Variants in SGCD observed in about 807,000 individuals in gnomAD.
SGCD encodes sarcoglycan delta.
A neutral mutation model predicts 36.6 loss-of-function variants in SGCD; 18 were observed. The observed-to-expected ratio is 0.49, with a 90% CI of 0.34 to 0.73. The LOEUF (loss-of-function observed/expected upper bound fraction) is 0.73. SGCD is among the 30% of genes least tolerant of loss of function. The pLI, the probability that SGCD is intolerant of heterozygous loss-of-function variation, is 0.01. For missense variants in SGCD, 387 were observed against 346.7 expected, an observed-to-expected ratio of 1.12 and a Z score of -0.92; for synonymous variants, 133 against 130.6, an observed-to-expected ratio of 1.02 and a Z score of -0.12.
chr5:156,056,079 T>C (rs1453509467), intron 1 of SGCD, among the ~76,000 whole-genome samples: 1 of 146,452 alleles, frequency 6.8e-6, no homozygotes, highest in African/African-American at 2.5e-5. Flanking sequence ...CAGATGCTGC[T>C]CTTAGTCCAG....
At chr5:156,600,030 A>AT (rs567189598) in intron 6 of SGCD, among the ~76,000 whole-genome samples, 5 of 151,510 alleles carry the variant, frequency 3.3e-5, no homozygotes, top group East Asian at 3.9e-4. Flanking sequence ...TTGGTGATGG[A>AT]TTTTTTTTTC....
intron 3 of SGCD, among the ~76,000 whole-genome samples, chr5:156,282,183 A>G (rs567522926): frequency 1.3e-5 from 2 of 152,328 alleles, no homozygotes; most frequent in African/African-American, 4.8e-5. Context: ...TGAGCATTTC[A>G]GACACCAAAG....
chr5:156,626,203 G>A (rs17561110), intron 6 of SGCD, among the ~76,000 whole-genome samples: 12,761 of 152,264 alleles, frequency 0.084, 687 homozygotes, highest in Non-Finnish European at 0.12. Flanking sequence ...TATGCAGAGC[G>A]CTGACTGCAG....
chr5:156,399,180 C>G (rs1214073269), intron 3 of SGCD, among the ~76,000 whole-genome samples: 2 of 152,094 alleles, frequency 1.3e-5, no homozygotes, highest in Non-Finnish European at 2.9e-5. Flanking sequence ...TGCTGGGAGA[C>G]TACTTTGTGT....
chr5:156,241,680 A>G (rs1425413532), intron 3 of SGCD, among the ~76,000 whole-genome samples: 1 of 152,214 alleles, frequency 6.6e-6, no homozygotes, highest in African/African-American at 2.4e-5. Context: ...AGATTAGGAA[A>G]TATCCAATTT....
In SGCD at chr5:156,761,134, GAAAT is replaced by G. The variant is rs1757491957; in HGVS notation, c.*1748_*1751del. ...GCAAGGGAAGTTTTGTGATAGGAGAGAAATAAAAGATTTGATATTTTTTGAGATG... is the reference window on the plus strand; with the variant it reads ...GCAAGGGAAGTTTTGTGATAGGAGAGAAAAGATTTGATATTTTTTGAGATG... On this transcript the variant is annotated 3_prime_UTR_variant, in exon 9 of 9. Transcript: ENST00000337851. 1 of 152,212 alleles carries G rather than the reference GAAAT, an allele frequency of 6.6e-6. No individual in the cohort carries two copies. Among genetic ancestry groups the G allele is most frequent in the South Asian group, 2.1e-4 (1 of 4,830 alleles). 9.4% of individuals were successfully genotyped at this position (152,212 alleles called of 1,614,324 possible).
chr5:156,441,058 T>A (rs1753469269), intron 3 of SGCD, among the ~76,000 whole-genome samples: 1 of 152,172 alleles, frequency 6.6e-6, no homozygotes, highest in Admixed American at 6.6e-5. Context: ...AGCTATTAGA[T>A]CCTTAACCTA....
chr5:156,758,129 C>A, intron 8 of SGCD: 1 of 471,042 alleles, frequency 2.1e-6, no homozygotes, highest in Non-Finnish European at 2.8e-6. Flanking sequence ...GCAGATTGAA[C>A]AGCTGTCCCA....
intron 3 of SGCD, among the ~76,000 whole-genome samples, chr5:156,479,441 C>G (rs937905857): frequency 6.6e-6 from 1 of 152,176 alleles, no homozygotes; most frequent in African/African-American, 2.4e-5. Context: ...AGCTGAGAAA[C>G]TCTGCCCTGT....
intron 3 of SGCD, among the ~76,000 whole-genome samples, chr5:156,197,111 G>A (rs563379796): frequency 1.3e-5 from 2 of 152,208 alleles, no homozygotes; most frequent in Non-Finnish European, 2.9e-5. Flanking sequence ...TAAAAATAAA[G>A]CATTTGAAAC....
At chr5:156,068,311 C>T (rs1408729421) in intron 1 of SGCD, among the ~76,000 whole-genome samples, 1 of 151,642 alleles carries the variant, frequency 6.6e-6, no homozygotes, top group Non-Finnish European at 1.5e-5. Context: ...TGTGATGTTC[C>T]CCTTCCTGTG....
At chr5:156,377,165 A>C (rs190982500) in intron 3 of SGCD, among the ~76,000 whole-genome samples, 91 of 152,304 alleles carry the variant, frequency 6.0e-4, no homozygotes, top group African/African-American at 2.1e-3. Context: ...ATTTAATTAA[A>C]CTTTAAGCTA....
chr5:156,154,956 A>G (rs188615876), intron 3 of SGCD, among the ~76,000 whole-genome samples: 1 of 151,786 alleles, frequency 6.6e-6, no homozygotes, highest in Non-Finnish European at 1.5e-5. Flanking sequence ...AGTGATGACA[A>G]ACTCAATGTC....
At chr5:156,708,584 C>T (rs1012986854) in intron 7 of SGCD, among the ~76,000 whole-genome samples, 1 of 152,112 alleles carries the variant, frequency 6.6e-6, no homozygotes, top group Admixed American at 6.5e-5. Flanking sequence ...AGACACATAA[C>T]GAACATACAA....
At chr5:156,210,219 A>T (rs1475643615) in intron 3 of SGCD, among the ~76,000 whole-genome samples, 1 of 151,876 alleles carries the variant, frequency 6.6e-6, no homozygotes, top group Non-Finnish European at 1.5e-5. Flanking sequence ...CACCTAGGCC[A>T]GCCTGCTTAA....
rs140999230 is a variant in SGCD, at chr5:156,195,334, A to G, written c.-44+71315A>G. ...GGGTTTGCATTTTATTCTTGATGCC[A>G]TTAGAGAAATTAGTGTAAATGAGAA... On this transcript the variant is annotated intron_variant, in intron 3 of 9. Transcript: ENST00000517913. 6.0e-3 allele frequency among the ~76,000 whole-genome samples: 914 copies of G among 152,318 alleles called. 10 individuals carry two copies. Among genetic ancestry groups the G allele is most frequent in the African/African-American group, 0.021 (860 of 41,572 alleles).
At chr5:156,543,021 A>G (rs1021806755) in intron 4 of SGCD, among the ~76,000 whole-genome samples, 2 of 152,218 alleles carry the variant, frequency 1.3e-5, no homozygotes, top group African/African-American at 4.8e-5. Flanking sequence ...TGAGGGCAAG[A>G]TCAGGTCTAG....
intron 1 of SGCD, among the ~76,000 whole-genome samples, chr5:156,109,254 T>C (rs1312298468): frequency 6.6e-6 from 1 of 152,156 alleles, no homozygotes. Flanking sequence ...AAACATTCTT[T>C]TTTCCTCCTT....
chr5:155,953,295 G>A (rs181444577), intron 1 of SGCD, among the ~76,000 whole-genome samples: 2 of 152,266 alleles, frequency 1.3e-5, no homozygotes, highest in African/African-American at 4.8e-5. Context: ...CTGGGAGCTA[G>A]TTGAGCTCTC....
Sources: gnomAD v4.1 joint callset for allele counts (sites outside exome capture counted in the v4.1 genomes callset) on GRCh38, gnomAD v4.1.1 for gene constraint, MANE v1.5 for transcripts, NCBI Gene and HGNC (gene_info 2026-07-23, HGNC 2026-07-21) for gene names.